The following PCDHGA7 variants were observed in gnomAD, a reference collection of about 807,000 sequenced individuals.
The protein encoded by PCDHGA7 is protocadherin gamma subfamily A, 7.
PCDHGA7 carries 44 observed loss-of-function variants against 58.3 expected under a neutral mutation model. The observed-to-expected ratio is 0.75, with a 90% CI of 0.59 to 0.97. The LOEUF is 0.97. Ranked by LOEUF, PCDHGA7 falls within the 50% of genes least tolerant of loss-of-function variation. The probability of loss-of-function intolerance (pLI) is 0.00; values close to 1 mark genes in which losing one functional copy is unlikely to be tolerated. For missense variants in PCDHGA7, 1,266 were observed against 1,188.7 expected (o/e 1.06, Z -0.96); for synonymous variants, 516 against 504.2 (o/e 1.02, Z -0.31).
At chr5:141,413,841 T>C (rs1481867404) in intron 1 of PCDHGA7, 1 of 1,613,060 alleles carries the variant, frequency 6.2e-7, no homozygotes, top group Admixed American at 1.7e-5. Context: ...CCGACGGGGG[T>C]GACCCTCTCC....
At chr5:141,483,757 C>T (rs895694800) in intron 1 of PCDHGA7, among the ~76,000 whole-genome samples, 1 of 151,984 alleles carries the variant, frequency 6.6e-6, no homozygotes, top group Non-Finnish European at 1.5e-5. Flanking sequence ...AGGATCGAGG[C>T]TTGGAAAAAT....
In PCDHGA7 at chr5:141,408,707, G is replaced by A. The variant is rs899200128; in HGVS notation, c.2424+23384G>A. On this transcript the variant is annotated intron_variant, in intron 1 of 3. Coordinates refer to ENST00000518325, the MANE Select transcript of PCDHGA7 (RefSeq NM_018920.4). ...TGATATAAACATAAACTCAATTAAAGATTATAAGATAAACTCTAATCCTTA... is the reference window on the plus strand; with the variant it reads ...TGATATAAACATAAACTCAATTAAAAATTATAAGATAAACTCTAATCCTTA... 1.9e-6 allele frequency: 3 copies of A among 1,612,764 alleles called. No homozygotes were observed. In the African/African-American group the frequency reaches 4.0e-5, roughly 22 times the overall value.
intron 1 of PCDHGA7, chr5:141,409,624 G>A (rs747166507): frequency 2.5e-6 from 4 of 1,613,846 alleles, no homozygotes; most frequent in Non-Finnish European, 3.4e-6. Flanking sequence ...TTGCGCAAGT[G>A]AGCGCCTCTG....
At chr5:141,492,402 C>A (rs1254310448) in intron 1 of PCDHGA7, among the ~76,000 whole-genome samples, 1 of 152,232 alleles carries the variant, frequency 6.6e-6, no homozygotes, top group African/African-American at 2.4e-5. Flanking sequence ...TCGCAGCTCC[C>A]CTCTGCCGCT....
At position 141,486,418 on chromosome 5, in the gene PCDHGA7, A is replaced by G. The variant is rs1174910867; in HGVS notation, c.2425-8389A>G. On this transcript the variant is annotated intron_variant, in intron 1 of 3. Transcript: ENST00000518325. This position sits in a 1 kb window ranked among gnomAD's most constrained non-coding sequence, Gnocchi z 5.0. ...TGGTGACTGCTGGACCCTTGGATCG[A>G]GAGGCCAAATCTAGCTATGACATCA... is the stretch of plus-strand genomic sequence containing the variant. The G allele has an allele frequency of 3.7e-6, 6 of 1,614,176 alleles. No individual in the cohort carries two copies. Among genetic ancestry groups the G allele is most frequent in the Non-Finnish European group, 5.1e-6 (6 of 1,180,020 alleles).
chr5:141,403,088 G>C (rs1561685667), intron 1 of PCDHGA7: 2 of 1,614,030 alleles, frequency 1.2e-6, no homozygotes, highest in Non-Finnish European at 1.7e-6. Context: ...CTATATTGTG[G>C]GCAACATCTC....
intron 1 of PCDHGA7, chr5:141,426,860 A>T (rs771106873): frequency 2.6e-5 from 12 of 456,702 alleles, no homozygotes; most frequent in Admixed American, 2.3e-4. Flanking sequence ...CTCCAGAATT[A>T]GTGCTGGAGA....
At chr5:141,478,586 T>C (rs754157570) in intron 1 of PCDHGA7, 6 of 1,576,788 alleles carry the variant, frequency 3.8e-6, no homozygotes, top group Non-Finnish European at 3.4e-6. Context: ...GTTAGTGCTT[T>C]TTTATTCCTA....
chr5:141,418,688 A>C, intron 1 of PCDHGA7: 2 of 1,614,032 alleles, frequency 1.2e-6, no homozygotes, highest in Non-Finnish European at 1.7e-6. Flanking sequence ...CAACTCAGAG[A>C]TCACTTATTC....
rs61612330 is a variant in PCDHGA7, at chr5:141,454,796, A to ATTTTTTTTTTTTTTTTT, written c.2425-39998_2425-39982dup. Among the ~76,000 whole-genome samples the ATTTTTTTTTTTTTTTTT allele has an allele frequency of 1.9e-3, 147 of 77,454 alleles. 11 individuals carry two copies. Among genetic ancestry groups the ATTTTTTTTTTTTTTTTT allele is most frequent in the Middle Eastern group, 0.017 (2 of 120 alleles). 50.8% of individuals were successfully genotyped at this position (77,454 alleles called of 152,430 possible). ...AAGGAAATAATCCTCCATGGTTCTA[A>ATTTTTTTTTTTTTTTTT]TTTTTTTTTTTTTTTTTTTTTTTTT... On this transcript the variant is annotated intron_variant, in intron 1 of 3. Coordinates refer to ENST00000518325, the MANE Select transcript of PCDHGA7 (RefSeq NM_018920.4).
chr5:141,465,997 C>T (rs1344380021), intron 1 of PCDHGA7, among the ~76,000 whole-genome samples: 1 of 151,918 alleles, frequency 6.6e-6, no homozygotes, highest in Non-Finnish European at 1.5e-5. Context: ...TGGCAGGCAC[C>T]TGTAGTCCCA....
intron 1 of PCDHGA7, chr5:141,478,044 C>A (rs1302168166): frequency 1.9e-6 from 3 of 1,614,184 alleles, no homozygotes; most frequent in South Asian, 1.1e-5. Flanking sequence ...CCCAGGCAGA[C>A]TCTCACGGTC....
chr5:141,511,412 C>A lies in PCDHGA7; in HGVS notation c.*239C>A. 1.1e-6 allele frequency: 1 copy of A among 892,000 alleles called. No homozygotes were observed. Among genetic ancestry groups the A allele is most frequent in the Non-Finnish European group, 1.6e-6 (1 of 609,476 alleles). The allele number at this position is 892,000 out of a possible 1,614,324, so 55.3% of individuals were successfully genotyped here. On this transcript the variant is annotated 3_prime_UTR_variant, in exon 4 of 4. Coordinates refer to ENST00000518325, the MANE Select transcript of PCDHGA7 (RefSeq NM_018920.4). ...AACCCCCATCCAATCAACTGCTGTA[C>A]CCATGGGGGTAGTGGGGTTACTGTA...
At chr5:141,453,185 C>T (rs2098757478) in intron 1 of PCDHGA7, among the ~76,000 whole-genome samples, 1 of 152,146 alleles carries the variant, frequency 6.6e-6, no homozygotes, top group South Asian at 2.1e-4. Flanking sequence ...ACAATCACAG[C>T]TCACTGCAGC....
At chr5:141,492,241 C>T (rs1351937353) in intron 1 of PCDHGA7, among the ~76,000 whole-genome samples, 1 of 152,186 alleles carries the variant, frequency 6.6e-6, no homozygotes, top group African/African-American at 2.4e-5. Flanking sequence ...TGCTGGCCAC[C>T]CCCACGGCCC....
chr5:141,487,591 C>T lies in PCDHGA7; in HGVS notation c.2425-7216C>T. 8 of 1,614,176 alleles carry T rather than the reference C, an allele frequency of 5.0e-6. No homozygotes were observed. The highest frequency in any genetic ancestry group is 6.8e-6 in the Non-Finnish European group (8 of 1,180,036). On this transcript the variant is annotated intron_variant, in intron 1 of 3. Coordinates refer to ENST00000518325, the MANE Select transcript of PCDHGA7 (RefSeq NM_018920.4). The surrounding 1 kb of genome is among the most constrained non-coding windows in gnomAD (Gnocchi z 5.0). ...AGCCTGTTCGCCCAAGCTGCCCACC[C>T]TCTGATCTTCTCTATGGGCTAGAGG...
rs780831620 is a variant in PCDHGA7, at chr5:141,383,662, G to A, written c.763G>A (p.Val255Met). 10 of 1,614,042 alleles carry A rather than the reference G, an allele frequency of 6.2e-6. No homozygotes were observed. Among genetic ancestry groups the A allele is most frequent in the South Asian group, 1.1e-5 (1 of 91,086 alleles). ...PQYQVTVPENVPVGTRLLTVH... is the reference protein window; with the variant it reads ...PQYQVTVPENMPVGTRLLTVH... ...GTACCAAGTAACTGTCCCCGAGAAT[G>A]TGCCAGTGGGTACAAGACTGCTCAC... The change falls in exon 1 of 4, where the codon GTG becomes ATG. Residue 255 changes from valine to methionine, a missense_variant. Transcript: ENST00000518325.
intron 1 of PCDHGA7, among the ~76,000 whole-genome samples, chr5:141,406,372 T>C (rs1010742441): frequency 1.3e-5 from 2 of 152,204 alleles, no homozygotes; most frequent in African/African-American, 4.8e-5. Flanking sequence ...AAGGGTAAAC[T>C]GATAAAAAGG....
At chr5:141,455,984 G>A (rs1405675950) in intron 1 of PCDHGA7, among the ~76,000 whole-genome samples, 2 of 151,492 alleles carry the variant, frequency 1.3e-5, no homozygotes, top group East Asian at 1.9e-4. Context: ...TGCAAGCTCC[G>A]CCTCTCGGGT....
Sources: allele counts gnomAD v4.1 joint callset (sites outside exome capture counted in the v4.1 genomes callset), GRCh38; gene constraint gnomAD v4.1.1; non-coding constraint Gnocchi (gnomAD v3.1); transcripts MANE v1.5; gene names NCBI Gene and HGNC (gene_info 2026-07-23, HGNC 2026-07-21).